Variants in PTPRG observed in about 807,000 individuals in gnomAD.
The protein encoded by PTPRG is protein tyrosine phosphatase receptor type G, also known as receptor-type tyrosine-protein phosphatase gamma.
A neutral mutation model predicts 165.3 loss-of-function variants in PTPRG; 102 were observed. The observed-to-expected ratio is 0.62, with a 90% CI of 0.53 to 0.73. The LOEUF (loss-of-function observed/expected upper bound fraction) is 0.73, where lower values mean the gene tolerates loss of function less well. Ranked by LOEUF, PTPRG falls within the 30% of genes least tolerant of loss-of-function variation. PTPRG has a pLI of 0.00. For missense variants in PTPRG, 1,866 were observed against 1,861.4 expected, an observed-to-expected ratio of 1.00 and a Z score of -0.05; for synonymous variants, 675 against 669.5, an observed-to-expected ratio of 1.01 and a Z score of -0.13.
chr3:61,817,455 T>C (rs1291393957), intron 2 of PTPRG, among the ~76,000 whole-genome samples: 1 of 151,998 alleles, frequency 6.6e-6, no homozygotes, highest in East Asian at 1.9e-4. Context: ...GAGTTTTCAA[T>C]GAATTCTGAG....
chr3:61,796,691 A>C (rs951627508), intron 2 of PTPRG, among the ~76,000 whole-genome samples: 9 of 152,176 alleles, frequency 5.9e-5, no homozygotes, highest in African/African-American at 2.2e-4. Flanking sequence ...CTGACTTTTT[A>C]GGTCATAGAT....
chr3:61,728,661 C>G lies in PTPRG; in HGVS notation c.86-20217C>G, dbSNP rs756823548. Reference sequence around the variant, plus strand: ...ACAGTAAGTTTTCAATTAAGATGATCTAGCTAAGAGCTATGTATTTTTTTT... The same window carrying G: ...ACAGTAAGTTTTCAATTAAGATGATGTAGCTAAGAGCTATGTATTTTTTTT... On this transcript the variant is annotated intron_variant, in intron 1 of 29. Coordinates refer to ENST00000474889, the MANE Select transcript of PTPRG (RefSeq NM_002841.4). 3.2e-4 allele frequency among the ~76,000 whole-genome samples: 47 copies of G among 148,082 alleles called. 1 individual carries two copies. In the Middle Eastern group the frequency reaches 0.01, roughly 32 times the overall value.
At chr3:61,823,572 A>C (rs141096870) in intron 2 of PTPRG, among the ~76,000 whole-genome samples, 36,970 of 152,038 alleles carry the variant, frequency 0.24, 4,684 homozygotes, top group East Asian at 0.29. Flanking sequence ...TTTGGGTGTA[A>C]CAAATTTATG....
chr3:61,743,227 A>C (rs1262376933), intron 1 of PTPRG: 1 of 681,882 alleles, frequency 1.5e-6, no homozygotes, highest in Non-Finnish European at 2.7e-6. Flanking sequence ...GAGTTTATGG[A>C]AACTCCCTGA....
At chr3:62,086,570 A>G (rs967495948) in intron 5 of PTPRG, among the ~76,000 whole-genome samples, 1 of 152,198 alleles carries the variant, frequency 6.6e-6, no homozygotes, top group Non-Finnish European at 1.5e-5. Flanking sequence ...CTGTTTGAAT[A>G]TCGTCCTTCT....
At chr3:61,762,356 G>A (rs567018100) in intron 2 of PTPRG, among the ~76,000 whole-genome samples, 19 of 152,194 alleles carry the variant, frequency 1.2e-4, no homozygotes, top group East Asian at 1.9e-4. Context: ...TGGGCATGGC[G>A]GCTCATGCAC....
Position 62,222,804 on chromosome 3 carries a change from A to C in PTPRG, c.2288+3821A>C, listed in dbSNP as rs562432571. 6.6e-6 allele frequency among the ~76,000 whole-genome samples: 1 copy of C among 152,302 alleles called. No individual in the cohort carries two copies. Among genetic ancestry groups the C allele is most frequent in the South Asian group, 2.1e-4 (1 of 4,828 alleles). On this transcript the variant is annotated intron_variant, in intron 13 of 29. Transcript: ENST00000474889. This position sits in a 1 kb window ranked among gnomAD's most constrained non-coding sequence, Gnocchi z 4.5. Reference sequence around the variant, plus strand: ...ATGCAATGCTTACAGAGTTCCTGCCATGCATCCTGGTGGGCCTAGAGATTT... The same window carrying C: ...ATGCAATGCTTACAGAGTTCCTGCCCTGCATCCTGGTGGGCCTAGAGATTT...
In PTPRG at chr3:61,837,374, T is replaced by TC. The variant is rs2036498425; in HGVS notation, c.190+88393dup. On this transcript the variant is annotated intron_variant, in intron 2 of 29. Coordinates refer to ENST00000474889, the MANE Select transcript of PTPRG (RefSeq NM_002841.4). ...TGAATCCAGCTTTTTCATCTTTAGA[T>TC]CTTGACCTTTTGACAGTTACCCAGT... 5.3e-5 allele frequency among the ~76,000 whole-genome samples: 8 copies of TC among 152,318 alleles called. No individual in the cohort carries two copies. The South Asian group carries it at 1.7e-3, about 32-fold the overall frequency.
At chr3:61,612,984 G>T (rs187884042) in intron 1 of PTPRG, among the ~76,000 whole-genome samples, 1 of 152,050 alleles carries the variant, frequency 6.6e-6, no homozygotes, top group Admixed American at 6.6e-5. Context: ...TCCATTCCTT[G>T]CTGTCTGTGC....
chr3:62,183,716 G>A (rs116808088), intron 8 of PTPRG, among the ~76,000 whole-genome samples: 1,995 of 152,202 alleles, frequency 0.013, 19 homozygotes, highest in Middle Eastern at 0.1. Flanking sequence ...CGATTGCTGC[G>A]TCCAGTTTTA....
At chr3:61,746,026 T>C (rs926781906) in intron 1 of PTPRG, among the ~76,000 whole-genome samples, 3 of 147,730 alleles carry the variant, frequency 2.0e-5, no homozygotes, top group Non-Finnish European at 4.4e-5. Context: ...AGTTATTTTA[T>C]TAAACTTTCT....
intron 2 of PTPRG, among the ~76,000 whole-genome samples, chr3:61,883,579 A>G (rs1320151495): frequency 6.6e-6 from 1 of 152,216 alleles, no homozygotes; most frequent in Non-Finnish European, 1.5e-5. Context: ...CCATGGGGAC[A>G]AAAAAATAGT....
At chr3:61,829,336 C>T (rs114040596) in intron 2 of PTPRG, among the ~76,000 whole-genome samples, 49 of 152,336 alleles carry the variant, frequency 3.2e-4, no homozygotes, top group Non-Finnish European at 2.4e-4. Flanking sequence ...TTATCACAAA[C>T]GTGCACTCTG....
At chr3:62,047,196 C>G (rs887567292) in intron 4 of PTPRG, among the ~76,000 whole-genome samples, 2 of 152,070 alleles carry the variant, frequency 1.3e-5, no homozygotes, top group African/African-American at 4.8e-5. Flanking sequence ...AAAGTAGCTT[C>G]TAGAATGCAG....
At chr3:62,080,987 G>T (rs1257981517) in intron 5 of PTPRG, among the ~76,000 whole-genome samples, 1 of 152,136 alleles carries the variant, frequency 6.6e-6, no homozygotes, top group Admixed American at 6.5e-5. Flanking sequence ...GCCGGGCGCG[G>T]TGGCTCACAC....
intron 2 of PTPRG, among the ~76,000 whole-genome samples, chr3:61,837,021 C>T (rs1219561551): frequency 2.0e-5 from 3 of 152,192 alleles, no homozygotes; most frequent in South Asian, 2.1e-4. Flanking sequence ...AGCGATTCTC[C>T]TGTCTCACCC....
intron 2 of PTPRG, among the ~76,000 whole-genome samples, chr3:61,868,237 T>C (rs1385107028): frequency 6.6e-6 from 1 of 152,172 alleles, no homozygotes; most frequent in Non-Finnish European, 1.5e-5. Context: ...CTGTTAGATC[T>C]TATATCACGG....
chr3:62,204,074 C>G, intron 12 of PTPRG, 124 bp downstream of exon 12: 1 of 1,412,516 alleles, frequency 7.1e-7, no homozygotes, highest in East Asian at 2.5e-5. Flanking sequence ...TCATATATGT[C>G]TGTCATAGAA....
intron 15 of PTPRG, among the ~76,000 whole-genome samples, chr3:62,251,488 A>AAAATG (rs1701417448): frequency 2.6e-5 from 4 of 152,170 alleles, no homozygotes; most frequent in African/African-American, 9.7e-5. Flanking sequence ...ATCTCTTTAA[A>AAAATG]TTAGCCAGGC....
Sources: allele counts gnomAD v4.1 joint callset (sites outside exome capture counted in the v4.1 genomes callset), GRCh38; gene constraint gnomAD v4.1.1; non-coding constraint Gnocchi (gnomAD v3.1); transcripts MANE v1.5; gene names NCBI Gene and HGNC (gene_info 2026-07-23, HGNC 2026-07-21).